The following COBLL1 variants were observed in gnomAD, a reference collection of about 807,000 sequenced individuals.
COBLL1 encodes the protein cordon-bleu WH2 repeat protein like 1.
In COBLL1, 50 loss-of-function variants were observed where a neutral mutation model predicts 94.8. The observed-to-expected ratio is 0.53, with a 90% CI of 0.42 to 0.67. The LOEUF is 0.67. Ranked by LOEUF, COBLL1 falls within the 30% of genes least tolerant of loss-of-function variation. The pLI is 0.00. For missense variants in COBLL1, 1,362 were observed against 1,348.7 expected, an observed-to-expected ratio of 1.01 and a Z score of -0.15; for synonymous variants, 448 against 473.8, an observed-to-expected ratio of 0.95 and a Z score of 0.71.
chr2:164,795,410 A>T (rs1464905761), intron 2 of COBLL1, among the ~76,000 whole-genome samples: 1 of 152,172 alleles, frequency 6.6e-6, no homozygotes, highest in Non-Finnish European at 1.5e-5. Context: ...TCAATTAAAA[A>T]CATGTTTCAT....
chr2:164,677,103 A>G (rs1217231002), downstream of COBLL1, among the ~76,000 whole-genome samples: 1 of 152,142 alleles, frequency 6.6e-6, no homozygotes, highest in Non-Finnish European at 1.5e-5. Context: ...AACTCTTAGC[A>G]AACATATGTA....
intron 2 of COBLL1, among the ~76,000 whole-genome samples, chr2:164,792,662 G>A (rs985921312): frequency 5.9e-5 from 9 of 152,122 alleles, no homozygotes; most frequent in Admixed American, 2.6e-4. Context: ...AATTATACAC[G>A]TAACGCACAG....
chr2:164,662,353 T>C (rs1691084793), intron 2 of COBLL1, among the ~76,000 whole-genome samples: 1 of 152,192 alleles, frequency 6.6e-6, no homozygotes, highest in Non-Finnish European at 1.5e-5. Context: ...AAGAGATTTG[T>C]TACCAAGAAA....
intron 3 of COBLL1, among the ~76,000 whole-genome samples, chr2:164,731,955 T>C (rs976107664): frequency 6.6e-6 from 1 of 152,136 alleles, no homozygotes; most frequent in Non-Finnish European, 1.5e-5. Context: ...TCGGACACTG[T>C]GTGGTCTTGA....
At chr2:164,756,094 A>G (rs199689576) in intron 2 of COBLL1, among the ~76,000 whole-genome samples, 2 of 151,738 alleles carry the variant, frequency 1.3e-5, no homozygotes, top group African/African-American at 4.8e-5. Context: ...AGGGAGGGAG[A>G]GAGAGAGAGA....
rs1190613290 is a variant in COBLL1, at chr2:164,681,489, G to A, written c.*4457C>T. 1.3e-5 allele frequency: 2 copies of A among 152,234 alleles called. No individual in the cohort carries two copies. Among genetic ancestry groups the A allele is most frequent in the African/African-American group, 4.8e-5 (2 of 41,426 alleles). 9.4% of individuals were successfully genotyped at this position (152,234 alleles called of 1,614,324 possible). ...AAAACCTGCTCCTATGGGTGGGAGA[G>A]GGGGCTCTGCCTCTTTAATGAGAGG... is the stretch of plus-strand genomic sequence containing the variant. On this transcript the variant is annotated 3_prime_UTR_variant, in exon 14 of 14. Coordinates refer to ENST00000652658, the MANE Select transcript of COBLL1 (RefSeq NM_001365672.2).
At chr2:164,803,535 A>G (rs1335938523) in intron 2 of COBLL1, among the ~76,000 whole-genome samples, 2 of 151,202 alleles carry the variant, frequency 1.3e-5, no homozygotes, top group African/African-American at 4.9e-5. Context: ...ACTGCACTCC[A>G]GCCTGGGTGA....
intron 1 of COBLL1, among the ~76,000 whole-genome samples, chr2:164,666,651 G>T (rs773821029): frequency 1.3e-5 from 2 of 152,156 alleles, no homozygotes; most frequent in Admixed American, 6.5e-5. Context: ...AAAACCTGCC[G>T]ATGCTTTTTC....
chr2:164,716,373 C>A (rs1685172043), intron 7 of COBLL1, among the ~76,000 whole-genome samples: 1 of 152,028 alleles, frequency 6.6e-6, no homozygotes, highest in African/African-American at 2.4e-5. Flanking sequence ...CAGGAAAAAT[C>A]ATATTTAAAA....
chr2:164,801,394 G>A (rs868586967), intron 2 of COBLL1, among the ~76,000 whole-genome samples: 2 of 129,358 alleles, frequency 1.5e-5, no homozygotes, highest in East Asian at 2.4e-4. Flanking sequence ...AGCCGAGATC[G>A]CGCCACTGCA....
At chr2:164,747,376 C>T (rs1686916439) in intron 2 of COBLL1, among the ~76,000 whole-genome samples, 2 of 152,160 alleles carry the variant, frequency 1.3e-5, no homozygotes, top group Non-Finnish European at 2.9e-5. Context: ...GTTTTACTTC[C>T]TCAGGTAGTT....
chr2:164,812,663 C>A (rs1233816761), intron 2 of COBLL1, among the ~76,000 whole-genome samples: 2 of 151,980 alleles, frequency 1.3e-5, no homozygotes, highest in African/African-American at 2.4e-5. Context: ...TATCTTAGCA[C>A]CCCTCTCTGA....
chr2:164,735,262 T>A (rs927869996), intron 3 of COBLL1, among the ~76,000 whole-genome samples: 2 of 152,164 alleles, frequency 1.3e-5, no homozygotes, highest in Non-Finnish European at 2.9e-5. Context: ...AACTGACACA[T>A]GAGAAAGCAT....
At chr2:164,666,258 G>C (rs1375113003) in intron 1 of COBLL1, among the ~76,000 whole-genome samples, 1 of 151,980 alleles carries the variant, frequency 6.6e-6, no homozygotes, top group Non-Finnish European at 1.5e-5. Flanking sequence ...CAAATTTTTT[G>C]GTTGCCCAGT....
intron 2 of COBLL1, among the ~76,000 whole-genome samples, chr2:164,830,197 T>G (rs528863057): frequency 6.6e-6 from 1 of 152,250 alleles, no homozygotes; most frequent in Non-Finnish European, 1.5e-5. Context: ...TTTAATACCA[T>G]TGGTATTTGT....
At chr2:164,687,234 G>T in intron 13 of COBLL1, 1 of 386,136 alleles carries the variant, frequency 2.6e-6, no homozygotes. Flanking sequence ...TTTTGGAGAG[G>T]AAGTAGAATT....
chr2:164,673,607 G>A (rs1691284121), intron 1 of COBLL1, among the ~76,000 whole-genome samples: 2 of 152,150 alleles, frequency 1.3e-5, no homozygotes, highest in African/African-American at 2.4e-5. Flanking sequence ...CCCAGGAGCG[G>A]AGGTTGTAGT....
At chr2:164,815,725 T>C (rs1574639537) in intron 2 of COBLL1, among the ~76,000 whole-genome samples, 1 of 152,144 alleles carries the variant, frequency 6.6e-6, no homozygotes, top group African/African-American at 2.4e-5. Flanking sequence ...ATTATCCTAA[T>C]TGGTTAAAGA....
chr2:164,805,553 ATAGT>A (rs149908619), intron 2 of COBLL1, among the ~76,000 whole-genome samples: 28,746 of 149,484 alleles, frequency 0.19, 2,841 homozygotes, highest in Middle Eastern at 0.26. Context: ...TGCTGTCACC[ATAGT>A]TTATGTTATA....
Sources: allele counts gnomAD v4.1 joint callset (sites outside exome capture counted in the v4.1 genomes callset), GRCh38; gene constraint gnomAD v4.1.1; transcripts MANE v1.5; gene names NCBI Gene and HGNC (gene_info 2026-07-23, HGNC 2026-07-21).